GRIP1: variants seen among roughly 807,000 people sequenced by gnomAD.
The protein encoded by GRIP1 is glutamate receptor-interacting protein 1.
GRIP1 carries 45 observed loss-of-function variants against 129.9 expected under a neutral mutation model. The ratio of observed to expected loss-of-function variants is 0.35; its 90% CI spans 0.27 to 0.44. GRIP1 has a LOEUF of 0.44. GRIP1 is among the 20% of genes least tolerant of loss of function. The pLI, the probability that GRIP1 is intolerant of heterozygous loss-of-function variation, is 1.00. For synonymous variants in GRIP1, 530 were observed against 520.8 expected (o/e 1.02, Z -0.24); for missense variants, 1,196 against 1,396.8 (o/e 0.86, Z 2.29).
At chr12:66,541,705 C>G in intron 3 of GRIP1, 110 bp downstream of exon 3, 6 of 1,127,762 alleles carry the variant, frequency 5.3e-6, no homozygotes, top group South Asian at 5.0e-5. Context: ...TGCTGCCTGG[C>G]AGATGGCAGC....
chr12:66,581,135 A>C (rs966525252), intron 2 of GRIP1, among the ~76,000 whole-genome samples: 11 of 152,192 alleles, frequency 7.2e-5, no homozygotes, highest in Admixed American at 7.2e-4. Flanking sequence ...GAAACTGAAC[A>C]ACCTGCTCCT....
At chr12:66,881,110 C>T (rs1043776009) in intron 1 of GRIP1, among the ~76,000 whole-genome samples, 2 of 151,706 alleles carry the variant, frequency 1.3e-5, no homozygotes, top group Admixed American at 6.6e-5. Flanking sequence ...CATATTTCTC[C>T]AAATGGACTA....
intron 1 of GRIP1, among the ~76,000 whole-genome samples, chr12:66,758,915 T>C (rs1404836462): frequency 6.6e-6 from 1 of 152,128 alleles, no homozygotes; most frequent in South Asian, 2.1e-4. Flanking sequence ...CTGGCTGCTT[T>C]CATGGGCTGG....
At chr12:66,409,231 A>AT (rs1162205420) in intron 15 of GRIP1, among the ~76,000 whole-genome samples, 3 of 152,256 alleles carry the variant, frequency 2.0e-5, no homozygotes, top group East Asian at 3.9e-4. Flanking sequence ...ACCTAGTACC[A>AT]CGTTGGCTTC....
chr12:67,055,772 A>T (rs534521830), intron 1 of GRIP1, among the ~76,000 whole-genome samples: 19 of 152,350 alleles, frequency 1.2e-4, no homozygotes, highest in African/African-American at 4.6e-4. Context: ...GGTCTCACAG[A>T]CCTTCTGAAA....
intron 1 of GRIP1, among the ~76,000 whole-genome samples, chr12:66,810,278 C>A (rs2039077939): frequency 6.6e-6 from 1 of 152,058 alleles, no homozygotes; most frequent in South Asian, 2.1e-4. Flanking sequence ...TTTTTATTGG[C>A]CAGGCATGGT....
intron 7 of GRIP1, among the ~76,000 whole-genome samples, chr12:66,471,070 A>T (rs2138416607): frequency 6.6e-6 from 1 of 152,346 alleles, no homozygotes; most frequent in East Asian, 1.9e-4. Flanking sequence ...TGGAAGCCAG[A>T]AGGCTTGAGA....
intron 1 of GRIP1, among the ~76,000 whole-genome samples, chr12:66,638,987 T>C (rs1026530745): frequency 1.3e-5 from 2 of 152,236 alleles, no homozygotes; most frequent in African/African-American, 4.8e-5. Context: ...TTAAACAATA[T>C]AATGTATTAG....
At chr12:66,884,238 C>G (rs1160044745) in intron 1 of GRIP1, among the ~76,000 whole-genome samples, 1 of 152,218 alleles carries the variant, frequency 6.6e-6, no homozygotes, top group African/African-American at 2.4e-5. Flanking sequence ...CTTTTGCTAG[C>G]AACAGGGAAC....
At chr12:66,888,423 G>A (rs1215714652) in intron 1 of GRIP1, among the ~76,000 whole-genome samples, 2 of 152,080 alleles carry the variant, frequency 1.3e-5, no homozygotes, top group African/African-American at 4.8e-5. Context: ...ACAGTGGCGC[G>A]ATCTCAGCTC....
chr12:66,400,988 CA>C (rs2056966426), intron 16 of GRIP1, among the ~76,000 whole-genome samples: 2 of 152,104 alleles, frequency 1.3e-5, no homozygotes, highest in Non-Finnish European at 2.9e-5. Context: ...GATTGGGTAG[CA>C]GCCTCAGGAA....
intron 1 of GRIP1, among the ~76,000 whole-genome samples, chr12:66,608,491 A>G (rs569226837): frequency 1.3e-5 from 2 of 151,920 alleles, no homozygotes; most frequent in East Asian, 3.9e-4. Flanking sequence ...TACCACCATG[A>G]CTGGCTAATT....
At chr12:67,044,513 T>TA (rs1315997107) in intron 1 of GRIP1, among the ~76,000 whole-genome samples, 1 of 152,208 alleles carries the variant, frequency 6.6e-6, no homozygotes, top group Non-Finnish European at 1.5e-5. Flanking sequence ...ACATTTCCCT[T>TA]AAAAATCTTT....
At chr12:66,942,890 T>C (rs1285894680) in intron 1 of GRIP1, among the ~76,000 whole-genome samples, 3 of 152,136 alleles carry the variant, frequency 2.0e-5, no homozygotes, top group South Asian at 2.1e-4. Flanking sequence ...CTCTCTCCGG[T>C]CTCTACCGTG....
At chr12:66,916,650 A>G (rs896598262) in intron 1 of GRIP1, among the ~76,000 whole-genome samples, 2 of 151,572 alleles carry the variant, frequency 1.3e-5, no homozygotes, top group African/African-American at 4.9e-5. Flanking sequence ...CAGGTTTCTT[A>G]GGGGGGTTAA....
intron 1 of GRIP1, among the ~76,000 whole-genome samples, chr12:66,767,502 AAAC>A (rs995775727): frequency 1.3e-5 from 2 of 152,166 alleles, no homozygotes; most frequent in Non-Finnish European, 2.9e-5. Flanking sequence ...ACATCTAACT[AAAC>A]AATAAAAGCT....
At chr12:66,625,329 G>C (rs2029891492) in intron 1 of GRIP1, among the ~76,000 whole-genome samples, 1 of 152,054 alleles carries the variant, frequency 6.6e-6, no homozygotes, top group South Asian at 2.1e-4. Flanking sequence ...TCCTTGATCT[G>C]GGTTATGCAT....
intron 1 of GRIP1, among the ~76,000 whole-genome samples, chr12:66,983,178 T>C (rs1309155501): frequency 6.6e-6 from 1 of 152,216 alleles, no homozygotes; most frequent in African/African-American, 2.4e-5. Context: ...TCTTGACATT[T>C]TGTTACAAAA....
At chr12:66,404,729 G>T (rs1052378884) in intron 16 of GRIP1, among the ~76,000 whole-genome samples, 54 of 152,206 alleles carry the variant, frequency 3.5e-4, no homozygotes, top group African/African-American at 1.3e-3. Context: ...TTCAATAAGG[G>T]TTCGTTAGGC....
Sources: gnomAD v4.1 joint callset for allele counts (sites outside exome capture counted in the v4.1 genomes callset) on GRCh38, gnomAD v4.1.1 for gene constraint, MANE v1.5 for transcripts, NCBI Gene and HGNC (gene_info 2026-07-23, HGNC 2026-07-21) for gene names.